The following RUNX1T1 variants were observed in gnomAD, a reference collection of about 807,000 sequenced individuals.
RUNX1T1 encodes the protein protein CBFA2T1.
Under a neutral mutation model 62.8 loss-of-function variants are expected in RUNX1T1, and 4 were observed. The ratio of observed to expected loss-of-function variants is 0.06; its 90% CI spans 0.03 to 0.15. The LOEUF (loss-of-function observed/expected upper bound fraction) is 0.15. Among genes scored for constraint, RUNX1T1 ranks in the 10% least tolerant of loss-of-function variants. The pLI is 1.00. For synonymous variants in RUNX1T1, 291 were observed against 286.0 expected (o/e 1.02, Z -0.18); for missense variants, 508 against 754.3 (o/e 0.67, Z 3.82).
At chr8:91,955,141 C>G (rs1207367133), downstream of RUNX1T1, 3 of 215,664 alleles carry the variant, frequency 1.4e-5, no homozygotes, top group African/African-American at 2.3e-5. Flanking sequence ...ATCAACACTT[C>G]TAAAAAAATG....
At chr8:92,020,231 C>T (rs139088473) in intron 1 of RUNX1T1, among the ~76,000 whole-genome samples, 3 of 152,164 alleles carry the variant, frequency 2.0e-5, no homozygotes, top group South Asian at 2.1e-4. Context: ...AAGATAAATG[C>T]GGAAAATGTG....
intron 1 of RUNX1T1, among the ~76,000 whole-genome samples, chr8:92,098,477 T>C (rs1465136386): frequency 6.6e-6 from 1 of 152,240 alleles, no homozygotes; most frequent in African/African-American, 2.4e-5. Flanking sequence ...AGCTGCTTTA[T>C]ACAGCACATT....
intron 8 of RUNX1T1, 195 bp from the exon 10 acceptor site, chr8:91,976,168 C>G: frequency 1.9e-6 from 1 of 536,834 alleles, no homozygotes; most frequent in Non-Finnish European, 3.4e-6. Flanking sequence ...CCAAGGAAAA[C>G]AGAGGGTCAT....
At chr8:91,979,940 G>A in intron 8 of RUNX1T1, 1 of 496,638 alleles carries the variant, frequency 2.0e-6, no homozygotes, top group Non-Finnish European at 3.9e-6. Flanking sequence ...TCCTGTAGTG[G>A]GCAGAATGAG....
intron 9 of RUNX1T1, among the ~76,000 whole-genome samples, chr8:91,972,690 G>T (rs1349791586): frequency 1.3e-5 from 2 of 152,054 alleles, no homozygotes; most frequent in African/African-American, 4.8e-5. Flanking sequence ...GCTGTAGCTT[G>T]ACTAATTGTA....
At chr8:92,066,567 C>T (rs1159022373), upstream of RUNX1T1, among the ~76,000 whole-genome samples, 1 of 152,132 alleles carries the variant, frequency 6.6e-6, no homozygotes, top group African/African-American at 2.4e-5. Flanking sequence ...GGAGATGGAC[C>T]TCTCTTTTGG....
intron 1 of RUNX1T1, among the ~76,000 whole-genome samples, chr8:92,035,295 C>CAA (rs746841942): frequency 7.3e-5 from 2 of 27,554 alleles, no homozygotes; most frequent in Non-Finnish European, 1.4e-4. Context: ...AATTCCATTT[C>CAA]AAAAAAAAAA....
intron 1 of RUNX1T1, among the ~76,000 whole-genome samples, chr8:92,093,629 A>G (rs1053353427): frequency 6.6e-6 from 1 of 152,228 alleles, no homozygotes; most frequent in African/African-American, 2.4e-5. Flanking sequence ...AGTCAGAGTC[A>G]GGCCCTATTT....
At chr8:92,034,809 C>CGTAT (rs1563811175) in intron 1 of RUNX1T1, among the ~76,000 whole-genome samples, 1,591 of 139,284 alleles carry the variant, frequency 0.011, 77 homozygotes, top group African/African-American at 0.048. Context: ...CACACACACA[C>CGTAT]ACACACACAC....
chr8:92,060,545 A>ATG (rs1317671685), intron 1 of RUNX1T1, among the ~76,000 whole-genome samples: 3 of 103,760 alleles, frequency 2.9e-5, no homozygotes, highest in African/African-American at 1.1e-4. Flanking sequence ...ATATATATAT[A>ATG]TATATATATG....
At chr8:92,090,127 T>G (rs558805023) in intron 1 of RUNX1T1, among the ~76,000 whole-genome samples, 1 of 151,614 alleles carries the variant, frequency 6.6e-6, no homozygotes. Flanking sequence ...AAGTCAGTGA[T>G]TGAACTGGAA....
chr8:92,052,039 G>T (rs1049424884), intron 1 of RUNX1T1, among the ~76,000 whole-genome samples: 13 of 152,076 alleles, frequency 8.5e-5, no homozygotes, highest in Non-Finnish European at 1.8e-4. Context: ...ATCACAGGAG[G>T]CAGAGGCCAC....
At chr8:92,077,754 C>A (rs1002934581) in intron 1 of RUNX1T1, among the ~76,000 whole-genome samples, 1 of 152,020 alleles carries the variant, frequency 6.6e-6, no homozygotes, top group Non-Finnish European at 1.5e-5. Flanking sequence ...ACTGAGCAAA[C>A]GAACCAGGCA....
chr8:91,980,570 A>C (rs886658355), intron 8 of RUNX1T1, among the ~76,000 whole-genome samples: 2 of 152,246 alleles, frequency 1.3e-5, no homozygotes, highest in African/African-American at 2.4e-5. Flanking sequence ...AAAAATACTT[A>C]TGAATCCACT....
chr8:92,102,746 G>C, upstream of RUNX1T1: 3 of 1,141,264 alleles, frequency 2.6e-6, no homozygotes, highest in Non-Finnish European at 3.6e-6. This position sits in a 1 kb window ranked among gnomAD's most constrained non-coding sequence, Gnocchi z 4.5. Context: ...CTGGAGCCTC[G>C]CGGTCGAATA....
At chr8:91,960,728 T>A (rs1223510394) in intron 10 of RUNX1T1, among the ~76,000 whole-genome samples, 1 of 152,208 alleles carries the variant, frequency 6.6e-6, no homozygotes, top group East Asian at 1.9e-4. Flanking sequence ...TGCCAACAAC[T>A]ACTATGGCAT....
chr8:92,098,768 AT>A (rs1442922285), intron 1 of RUNX1T1, among the ~76,000 whole-genome samples: 2 of 152,170 alleles, frequency 1.3e-5, no homozygotes, highest in Non-Finnish European at 2.9e-5. Flanking sequence ...GCCCTAATCT[AT>A]AATTAGTTTG....
At chr8:92,029,509 T>C (rs1269300900) in intron 1 of RUNX1T1, among the ~76,000 whole-genome samples, 1 of 152,116 alleles carries the variant, frequency 6.6e-6, no homozygotes, top group Non-Finnish European at 1.5e-5. Flanking sequence ...ATGGTGATGT[T>C]AAAAACCAAT....
chr8:92,053,803 G>C (rs932434940), intron 1 of RUNX1T1, among the ~76,000 whole-genome samples: 1 of 152,108 alleles, frequency 6.6e-6, no homozygotes, highest in Non-Finnish European at 1.5e-5. Flanking sequence ...AATATTTGCT[G>C]ATTGCATACT....
Sources: gnomAD v4.1 joint callset for allele counts (sites outside exome capture counted in the v4.1 genomes callset) on GRCh38, gnomAD v4.1.1 for gene constraint, Gnocchi (gnomAD v3.1) non-coding constraint, MANE v1.5 for transcripts, NCBI Gene and HGNC (gene_info 2026-07-23, HGNC 2026-07-21) for gene names.